ZDHHC16: variants seen among roughly 807,000 people sequenced by gnomAD.
The protein encoded by ZDHHC16 is zDHHC palmitoyltransferase 16, also known as palmitoyltransferase ZDHHC16.
In ZDHHC16, 33 loss-of-function variants were observed where a neutral mutation model predicts 54.4. That is an observed-to-expected ratio of 0.61 (90% CI 0.46 to 0.81). ZDHHC16 has a LOEUF of 0.81. ZDHHC16 is among the 30% of genes least tolerant of loss of function. ZDHHC16 has a pLI of 0.00. For missense variants in ZDHHC16, 420 were observed against 485.9 expected, an observed-to-expected ratio of 0.86 and a Z score of 1.28; for synonymous variants, 185 against 182.1, an observed-to-expected ratio of 1.02 and a Z score of -0.13.
intron 10 of ZDHHC16, 35 bp downstream of exon 10, chr10:97,455,818 G>A (rs747397248): frequency 1.2e-6 from 2 of 1,608,662 alleles, no homozygotes; most frequent in Non-Finnish European, 1.7e-6. Context: ...TGGGTAGGTG[G>A]GTAACTGAAC....
At position 97,450,423 on chromosome 10, in the gene ZDHHC16, C is replaced by T. The variant is rs1846509011; in HGVS notation, c.-119C>T. 4 of 152,380 alleles carry T rather than the reference C, an allele frequency of 2.6e-5. 1 individual carries two copies. Among genetic ancestry groups the T allele is most frequent in the Admixed American group, 2.0e-4 (3 of 15,310 alleles). The allele number at this position is 152,380 out of a possible 1,614,324, so 9.4% of individuals were successfully genotyped here. A position where few individuals can be genotyped will look rare whatever the true frequency, so the allele number is the denominator to read the frequency against. On this transcript the variant is annotated 5_prime_UTR_variant, in exon 2 of 12. Coordinates refer to ENST00000393760, the MANE Select transcript of ZDHHC16 (RefSeq NM_198046.3). Reference sequence around the variant, plus strand: ...ACTCCAGTTACCGAATTGAAACCATCCCTGCAGTGGAGCAGCCTCCTCCAG... The same window carrying T: ...ACTCCAGTTACCGAATTGAAACCATTCCTGCAGTGGAGCAGCCTCCTCCAG...
chr10:97,456,915 C>T lies in ZDHHC16; in HGVS notation c.*24C>T, dbSNP rs1020787484. 10 of 1,561,956 alleles carry T rather than the reference C, an allele frequency of 6.4e-6. No homozygotes were observed. Among genetic ancestry groups the T allele is most frequent in the African/African-American group, 1.4e-5 (1 of 73,776 alleles). The stretch of plus-strand genomic sequence containing the variant: ...GAGCTGGACTGTGTCAGCCACGACT[C>T]GAGCACTCATTCTGCTCCCTATGTT... On this transcript the variant is annotated 3_prime_UTR_variant, in exon 12 of 12. Transcript: ENST00000393760.
At chr10:97,454,643 T>A in intron 8 of ZDHHC16, 71 bp from the exon 9 acceptor site, 1 of 1,354,990 alleles carries the variant, frequency 7.4e-7, no homozygotes, top group Non-Finnish European at 1.1e-6. Flanking sequence ...ATTTCCTGCC[T>A]ATAGGTGCTG....
In ZDHHC16 at chr10:97,457,018, T is replaced by C; in HGVS notation, c.*127T>C. ...CCAGTGGGCCTGCCTTAGGGTACCA[T>C]GCAGGACAATTCAAGGACCAGCCTT... is the stretch of plus-strand genomic sequence containing the variant. On this transcript the variant is annotated 3_prime_UTR_variant, in exon 12 of 12. Coordinates refer to ENST00000393760, the MANE Select transcript of ZDHHC16 (RefSeq NM_198046.3). The C allele has an allele frequency of 1.7e-6, 1 of 599,954 alleles. No individual in the cohort carries two copies. The highest frequency in any genetic ancestry group is 2.7e-6 in the Non-Finnish European group (1 of 370,700). 37.2% of individuals were successfully genotyped at this position (599,954 alleles called of 1,614,324 possible). A position where few individuals can be genotyped will look rare whatever the true frequency, so the allele number is the denominator to read the frequency against.
rs768554688 is a variant in ZDHHC16, at chr10:97,452,880, G to C, written c.528-15G>C. On this transcript the variant is annotated splice_polypyrimidine_tract_variant and intron_variant, in intron 5 of 11. Coordinates refer to ENST00000393760, the MANE Select transcript of ZDHHC16 (RefSeq NM_198046.3). ...CTTTGGCCACCGTAACAGAGCCTGT[G>C]TCCCTTCCTCACAGGTGTGTGCTGA... 5 of 1,614,212 alleles carry C rather than the reference G, an allele frequency of 3.1e-6. No homozygotes were observed. In the Admixed American group the frequency reaches 8.3e-5, roughly 27 times the overall value.
In ZDHHC16 at chr10:97,453,581, T is replaced by C; in HGVS notation, c.608T>C (p.Phe203Ser). 6.2e-7 allele frequency: 1 copy of C among 1,614,210 alleles called. No individual in the cohort carries two copies. The highest frequency in any genetic ancestry group is 8.5e-7 in the Non-Finnish European group (1 of 1,180,040). The change falls in exon 7 of 12, where the codon TTC becomes TCC. Residue 203 changes from phenylalanine to serine, a missense_variant. By Grantham distance (155) the Phe-to-Ser change is radical. Coordinates refer to ENST00000393760, the MANE Select transcript of ZDHHC16 (RefSeq NM_198046.3). ...GHYNHRYFFS[F>S]CFFMTLGCVY... is the part of the protein sequence containing the mutation. ...TATAACCATCGGTACTTCTTCTCTTTCTGCTTTTTCATGACTCTGGGCTGT... is the reference window on the plus strand; with the variant it reads ...TATAACCATCGGTACTTCTTCTCTTCCTGCTTTTTCATGACTCTGGGCTGT...
In ZDHHC16 at chr10:97,453,573, CT is replaced by C; in HGVS notation, c.602del (p.Phe201SerfsTer7). On this transcript the variant is annotated frameshift_variant, in exon 7 of 12. Transcript: ENST00000393760. LOFTEE classifies it high-confidence loss of function. ...TGGGCCACTATAACCATCGGTACTT[CT>C]TCTCTTTCTGCTTTTTCATGACTCT... is the stretch of plus-strand genomic sequence containing the variant. ...CVGHYNHRYF[F>X]SFCFFMTLGC... 1 of 1,614,198 alleles carries C rather than the reference CT, an allele frequency of 6.2e-7. No individual in the cohort carries two copies. The highest frequency in any genetic ancestry group is 8.5e-7 in the Non-Finnish European group (1 of 1,180,040).
chr10:97,446,998 T>C (rs1035560970), intron 1 of ZDHHC16, among the ~76,000 whole-genome samples: 4 of 152,180 alleles, frequency 2.6e-5, no homozygotes, highest in Non-Finnish European at 5.9e-5. Context: ...CATGAGCCAC[T>C]GCCTCCGGCC....
chr10:97,456,810 T>G lies in ZDHHC16; in HGVS notation c.1053T>G (p.Ser351Arg). The change falls in exon 12 of 12, where the codon AGT (serine) becomes AGG (arginine). Residue 351 changes from serine (S) to arginine (R), a missense_variant. Ser to Arg is a moderately radical substitution (Grantham distance 110). Coordinates refer to ENST00000393760, the MANE Select transcript of ZDHHC16 (RefSeq NM_198046.3). Reference protein sequence around the residue: ...HWLTRVLLPSSHLPHGNGMSW... With the variant: ...HWLTRVLLPSRHLPHGNGMSW... ...TTACTCGGGTGCTCTTACCTTCTAG[T>G]CACTTGCCCCATGGGAATGGAATGA... 6.2e-7 allele frequency: 1 copy of G among 1,613,714 alleles called. No homozygotes were observed.
At position 97,453,858 on chromosome 10, in the gene ZDHHC16, C is replaced by G; in HGVS notation, c.738+12C>G. The stretch of plus-strand genomic sequence containing the variant: ...CGGTTGCCAACCAGGTGGGCTGTCC[C>G]CACCCCACTGCCTCCTGCTGCTCAG... On this transcript the variant is annotated intron_variant, in intron 8 of 11. Coordinates refer to ENST00000393760, the MANE Select transcript of ZDHHC16 (RefSeq NM_198046.3). 3.1e-6 allele frequency: 5 copies of G among 1,614,156 alleles called. No individual in the cohort carries two copies. The highest frequency in any genetic ancestry group is 3.4e-6 in the Non-Finnish European group (4 of 1,180,048).
intron 8 of ZDHHC16, 103 bp downstream of exon 8, chr10:97,453,949 G>A (rs1014523353): frequency 8.2e-5 from 122 of 1,492,596 alleles, no homozygotes; most frequent in Non-Finnish European, 8.6e-5. Context: ...AGAGGCTGCC[G>A]AGAGGCCACT....
chr10:97,453,657 C>T lies in ZDHHC16; in HGVS notation c.684C>T (p.Ala228=). The stretch of plus-strand genomic sequence containing the variant: ...ACCTTTTCCGGGAGGCTTATGCTGC[C>T]ATTGAGGTGAGCTCATCAGGAACAG... ...SWDLFREAYA[A]IEKMKQLDKN... is the part of the protein sequence containing the mutation. Residue 228 remains alanine (A), a synonymous_variant, in exon 7 of 12, where the codon GCC becomes GCT. Coordinates refer to ENST00000393760, the MANE Select transcript of ZDHHC16 (RefSeq NM_198046.3). 1 of 1,614,174 alleles carries T rather than the reference C, an allele frequency of 6.2e-7. No individual in the cohort carries two copies. The highest frequency in any genetic ancestry group is 8.5e-7 in the Non-Finnish European group (1 of 1,180,030).
intron 3 of ZDHHC16, 57 bp downstream of exon 3, chr10:97,451,975 C>A: frequency 6.3e-7 from 1 of 1,590,582 alleles, no homozygotes; most frequent in South Asian, 1.2e-5. Flanking sequence ...AGGGACATGT[C>A]TCTCACAGAC....
At chr10:97,455,891 G>A (rs1365499689) in intron 10 of ZDHHC16, 83 bp from the exon 11 acceptor site, 1 of 1,606,448 alleles carries the variant, frequency 6.2e-7, no homozygotes, top group Admixed American at 1.7e-5. Context: ...TAAAAGGCCA[G>A]AACTACTCTA....
chr10:97,456,060 C>T lies in ZDHHC16; in HGVS notation c.1019+16C>T. On this transcript the variant is annotated intron_variant, in intron 11 of 11. Coordinates refer to ENST00000393760, the MANE Select transcript of ZDHHC16 (RefSeq NM_198046.3). ...ATACAGGAAGGTAATGTAAGACACA[C>T]AGACTAATGCTGTCCAACAGAACAC... The T allele has an allele frequency of 6.2e-7, 1 of 1,612,756 alleles. No homozygotes were observed. The highest frequency in any genetic ancestry group is 8.5e-7 in the Non-Finnish European group (1 of 1,179,092).
chr10:97,453,374 GAA>G (rs1846832073), intron 6 of ZDHHC16, among the ~76,000 whole-genome samples, 154 bp from the exon 7 acceptor site: 1 of 152,292 alleles, frequency 6.6e-6, no homozygotes, highest in African/African-American at 2.4e-5. Context: ...CCTTGGGTGT[GAA>G]CAGTCTTGTA....
rs753739068 is a variant in ZDHHC16 at position 97,453,881 on chromosome 10, C to T, written c.738+35C>T. On this transcript the variant is annotated intron_variant, in intron 8 of 11. Transcript: ENST00000393760. ...CCCCACCCCACTGCCTCCTGCTGCT[C>T]AGGCCTGGGGGTATAGAGTTGCTAA... is the stretch of plus-strand genomic sequence containing the variant. 1.4e-5 allele frequency: 23 copies of T among 1,613,860 alleles called. No homozygotes were observed. The South Asian group carries it at 2.4e-4, about 17-fold the overall frequency.
chr10:97,452,946 G>A, intron 6 of ZDHHC16, 23 bp downstream of exon 6: 1 of 1,614,168 alleles, frequency 6.2e-7, no homozygotes, highest in Non-Finnish European at 8.5e-7. Flanking sequence ...TTTCTCTTCT[G>A]CCTGAGGCCT....
intron 6 of ZDHHC16, 91 bp from the exon 7 acceptor site, chr10:97,453,439 T>C: frequency 6.6e-7 from 1 of 1,525,244 alleles, no homozygotes; most frequent in South Asian, 1.2e-5. Flanking sequence ...GAGGCTTGGG[T>C]GATATTGTCA....
Sources: allele counts gnomAD v4.1 joint callset (sites outside exome capture counted in the v4.1 genomes callset), GRCh38; gene constraint gnomAD v4.1.1; transcripts MANE v1.5; gene names NCBI Gene and HGNC (gene_info 2026-07-23, HGNC 2026-07-21).